Variants in CDX1 observed in about 807,000 individuals in gnomAD.
The protein encoded by CDX1 is caudal type homeobox 1.
Under a neutral mutation model 16.9 loss-of-function variants are expected in CDX1, and 9 were observed. The observed-to-expected ratio is 0.53, with a 90% CI of 0.32 to 0.93. The LOEUF (loss-of-function observed/expected upper bound fraction) is 0.93, where lower values mean the gene tolerates loss of function less well. Among genes scored for constraint, CDX1 ranks in the 40% least tolerant of loss-of-function variants. The probability of loss-of-function intolerance (pLI) is 0.04; values close to 1 mark genes in which losing one functional copy is unlikely to be tolerated. For synonymous variants in CDX1, 179 were observed against 179.0 expected (o/e 1.00, Z 0.00); for missense variants, 393 against 386.1 (o/e 1.02, Z -0.15).
chr5:150,174,544 T>G (rs1429431597), intron 1 of CDX1, among the ~76,000 whole-genome samples: 1 of 152,226 alleles, frequency 6.6e-6, no homozygotes, highest in African/African-American at 2.4e-5. Flanking sequence ...TCCGCCAGGA[T>G]GGAAATGCTC....
Position 150,182,898 on chromosome 5 carries a change from G to A in CDX1, c.576G>A (p.Gly192=), listed in dbSNP as rs1032049779. 4 of 1,609,932 alleles carry A rather than the reference G, an allele frequency of 2.5e-6. No individual in the cohort carries two copies. Among genetic ancestry groups the A allele is most frequent in the African/African-American group, 1.3e-5 (1 of 74,848 alleles). ...RRKSELAANL[G]LTERQVKIWF... ...AATCAGAGCTGGCTGCCAATCTGGG[G>A]CTCACTGAACGGCAGGTGTGTCTGT... is the stretch of plus-strand genomic sequence containing the variant. The change falls in exon 2 of 3, where the codon GGG becomes GGA. Residue 192 remains glycine, a synonymous_variant. Transcript: ENST00000231656.
At chr5:150,172,460 C>T (rs1358040740) in intron 1 of CDX1, among the ~76,000 whole-genome samples, 1 of 152,074 alleles carries the variant, frequency 6.6e-6, no homozygotes, top group African/African-American at 2.4e-5. Flanking sequence ...TAATGAGGCT[C>T]AGAGAGGGTA....
chr5:150,169,502 G>A (rs1040419796), intron 1 of CDX1, among the ~76,000 whole-genome samples: 16 of 152,270 alleles, frequency 1.1e-4, no homozygotes, highest in East Asian at 7.7e-4. Flanking sequence ...GCCAGAAGGT[G>A]CTGCCTGTCT....
rs954680002 is a variant in CDX1 at position 150,183,576 on chromosome 5, A to T, written c.694A>T (p.Thr232Ser). Reference sequence around the variant, plus strand: ...ACAGCCGCCGATGGCCCACGACATCACGGCCACCCCAGCCGGGCCATCCCT... The same window carrying T: ...ACAGCCGCCGATGGCCCACGACATCTCGGCCACCCCAGCCGGGCCATCCCT... ...PPQPPMAHDI[T>S]ATPAGPSLGG... Residue 232 changes from threonine to serine, a missense_variant, in exon 3 of 3, where the codon ACG (threonine) becomes TCG (serine). Physicochemically the swap from Thr to Ser is moderately conservative, Grantham distance 58. Coordinates refer to ENST00000231656, the MANE Select transcript of CDX1 (RefSeq NM_001804.3). 1 of 1,611,496 alleles carries T rather than the reference A, an allele frequency of 6.2e-7. No homozygotes were observed. The highest frequency in any genetic ancestry group is 1.7e-4 in the Middle Eastern group (1 of 6,046).
At position 150,167,177 on chromosome 5, in the gene CDX1, G is replaced by A; in HGVS notation, c.301G>A (p.Val101Met). 7.8e-7 allele frequency: 1 copy of A among 1,275,544 alleles called. No homozygotes were observed. Among genetic ancestry groups the A allele is most frequent in the Non-Finnish European group, 9.8e-7 (1 of 1,016,326 alleles). 79.0% of individuals were successfully genotyped at this position (1,275,544 alleles called of 1,614,324 possible). Residue 101 changes from valine to methionine, a missense_variant, in exon 1 of 3, where the codon GTG (valine) becomes ATG (methionine). Transcript: ENST00000231656. ...CGGGCCCCCTCCAGACTTTAGCCCG[G>A]TGCCGGCGCCCCCTGGGCCCGGCCC... Reference protein sequence around the residue: ...AFGPPPDFSPVPAPPGPGPGL... With the variant: ...AFGPPPDFSPMPAPPGPGPGL...
At chr5:150,169,087 C>T (rs573972229) in intron 1 of CDX1, among the ~76,000 whole-genome samples, 1 of 152,212 alleles carries the variant, frequency 6.6e-6, no homozygotes, top group South Asian at 2.1e-4. Flanking sequence ...TTTCTGCTTC[C>T]TGCTCATGGG....
chr5:150,182,663 C>T (rs1305962039), intron 1 of CDX1, 105 bp from the exon 2 acceptor site: 5 of 1,153,492 alleles, frequency 4.3e-6, no homozygotes, highest in Non-Finnish European at 1.2e-6. Flanking sequence ...CAGGGTCCTA[C>T]TTCAGGGAGC....
At chr5:150,174,027 C>T (rs950524887) in intron 1 of CDX1, among the ~76,000 whole-genome samples, 3 of 152,206 alleles carry the variant, frequency 2.0e-5, no homozygotes, top group Admixed American at 6.5e-5. Context: ...GTGTCAGGCA[C>T]GTGATAGGTG....
At chr5:150,177,535 G>A (rs540589458) in intron 1 of CDX1, among the ~76,000 whole-genome samples, 2 of 152,296 alleles carry the variant, frequency 1.3e-5, no homozygotes, top group East Asian at 3.9e-4. Flanking sequence ...TTCTACTGCT[G>A]TTTCTGAGGC....
Position 150,177,548 on chromosome 5 carries a change from G to T in CDX1, c.446-5220G>T, listed in dbSNP as rs894831898. 3.9e-5 allele frequency among the ~76,000 whole-genome samples: 6 copies of T among 152,188 alleles called. No individual in the cohort carries two copies. In the South Asian group the frequency reaches 1.2e-3, roughly 32 times the overall value. On this transcript the variant is annotated intron_variant, in intron 1 of 2. Coordinates refer to ENST00000231656, the MANE Select transcript of CDX1 (RefSeq NM_001804.3). The stretch of plus-strand genomic sequence containing the variant: ...GGTTCTACTGCTGTTTCTGAGGCCA[G>T]ATAGACCTGGTTTTGAATCCCACCT...
chr5:150,175,419 A>G (rs1761556465), intron 1 of CDX1, among the ~76,000 whole-genome samples: 1 of 152,168 alleles, frequency 6.6e-6, no homozygotes, highest in South Asian at 2.1e-4. Context: ...GTGGCCCTGG[A>G]GGAGGAGGGT....
At chr5:150,179,512 C>T (rs530083785) in intron 1 of CDX1, among the ~76,000 whole-genome samples, 1 of 152,374 alleles carries the variant, frequency 6.6e-6, no homozygotes, top group Admixed American at 6.5e-5. Context: ...GGACAGCCCT[C>T]TGCAAGTGCC....
rs749634392 is a variant in CDX1 at position 150,166,809 on chromosome 5, C to G, written c.-68C>G. 5.9e-6 allele frequency: 7 copies of G among 1,176,684 alleles called. No homozygotes were observed. The Admixed American group carries it at 2.7e-4, about 46-fold the overall frequency. 72.9% of individuals were successfully genotyped at this position (1,176,684 alleles called of 1,614,324 possible). ...ACAGCCGAGTTCAGGTGAGCGGTTG[C>G]TCGTCGTCGGGGCGGCCGGCAGCGG... On this transcript the variant is annotated 5_prime_UTR_variant, in exon 1 of 3. Coordinates refer to ENST00000231656, the MANE Select transcript of CDX1 (RefSeq NM_001804.3).
At position 150,183,703 on chromosome 5, in the gene CDX1, G is replaced by C; in HGVS notation, c.*23G>C. 4 of 1,495,834 alleles carry C rather than the reference G, an allele frequency of 2.7e-6. No individual in the cohort carries two copies. Among genetic ancestry groups the C allele is most frequent in the Non-Finnish European group, 3.6e-6 (4 of 1,116,458 alleles). 92.7% of individuals were successfully genotyped at this position (1,495,834 alleles called of 1,614,324 possible). ...TAGCCCCATGCCCAGCCTGTGCGCC[G>C]GGGGACCTGGGGACTCGGGTGCTGG... On this transcript the variant is annotated 3_prime_UTR_variant, in exon 3 of 3. Transcript: ENST00000231656.
intron 1 of CDX1, among the ~76,000 whole-genome samples, chr5:150,174,879 C>T (rs1368817085): frequency 3.3e-5 from 5 of 151,762 alleles, no homozygotes; most frequent in Non-Finnish European, 5.9e-5. Flanking sequence ...TGGATTCAAG[C>T]GATTCTCCTG....
rs58693259 is a variant in CDX1 at position 150,168,419 on chromosome 5, G to A, written c.445+1098G>A. Among the ~76,000 whole-genome samples, 1,138 of 152,290 alleles carry A rather than the reference G, an allele frequency of 7.5e-3. 14 individuals carry two copies. Among genetic ancestry groups the A allele is most frequent in the African/African-American group, 0.025 (1,058 of 41,566 alleles). On this transcript the variant is annotated intron_variant, in intron 1 of 2. Transcript: ENST00000231656. ...ATCATATCCCCTTTTTGGAAGTCCCGGGGATACATAACCTCCTATCTGCCT... is the reference window on the plus strand; with the variant it reads ...ATCATATCCCCTTTTTGGAAGTCCCAGGGATACATAACCTCCTATCTGCCT...
intron 1 of CDX1, among the ~76,000 whole-genome samples, chr5:150,175,150 TTTG>T (rs1761553719): frequency 6.6e-6 from 1 of 152,192 alleles, no homozygotes; most frequent in Admixed American, 6.5e-5. Flanking sequence ...TAATAAGTAC[TTTG>T]TTAAGTAGGT....
chr5:150,183,004 A>G, intron 2 of CDX1, 91 bp downstream of exon 2: 1 of 1,421,622 alleles, frequency 7.0e-7, no homozygotes, highest in Non-Finnish European at 9.4e-7. Flanking sequence ...AGTAGAAGGA[A>G]AACAGAGAGG....
chr5:150,183,713 G>T lies in CDX1; in HGVS notation c.*33G>T. The stretch of plus-strand genomic sequence containing the variant: ...CCCAGCCTGTGCGCCGGGGGACCTG[G>T]GGACTCGGGTGCTGGGAGTGTGGCT... On this transcript the variant is annotated 3_prime_UTR_variant, in exon 3 of 3. Transcript: ENST00000231656. 1 of 1,481,226 alleles carries T rather than the reference G, an allele frequency of 6.8e-7. No homozygotes were observed. The highest frequency in any genetic ancestry group is 2.4e-5 in the East Asian group (1 of 42,098). The allele number at this position is 1,481,226 out of a possible 1,614,324, so 91.8% of individuals were successfully genotyped here.
Sources: allele counts gnomAD v4.1 joint callset (sites outside exome capture counted in the v4.1 genomes callset), GRCh38; gene constraint gnomAD v4.1.1; transcripts MANE v1.5; gene names NCBI Gene and HGNC (gene_info 2026-07-23, HGNC 2026-07-21).